Variants in CEP250 observed in about 807,000 individuals in gnomAD.
CEP250 encodes centrosomal protein 250, also known as centrosome-associated protein CEP250.
In CEP250, 242 loss-of-function variants were observed where a neutral mutation model predicts 315.7. That is an observed-to-expected ratio of 0.77 (90% confidence interval 0.69 to 0.85). The LOEUF (loss-of-function observed/expected upper bound fraction) is 0.85. CEP250 is among the 40% of genes least tolerant of loss of function. The pLI is 0.00. For missense variants in CEP250, 2,515 were observed against 2,886.4 expected, an observed-to-expected ratio of 0.87 and a Z score of 2.95; for synonymous variants, 1,088 against 1,175.0, an observed-to-expected ratio of 0.93 and a Z score of 1.51.
rs2062914089 is a variant in CEP250 at position 35,467,464 on chromosome 20, C to T, written c.760C>T (p.Gln254Ter). 6.2e-7 allele frequency: 1 copy of T among 1,614,134 alleles called. No homozygotes were observed. Among genetic ancestry groups the T allele is most frequent in the Non-Finnish European group, 8.5e-7 (1 of 1,180,028 alleles). ...AQLLLLLAKT[Q>*]ELEKEAHERS... ...GCTGCTGCTGCTACTAGCCAAGACCCAGGAGCTGGAGAAGGAAGCCCATGA... is the reference window on the plus strand; with the variant it reads ...GCTGCTGCTGCTACTAGCCAAGACCTAGGAGCTGGAGAAGGAAGCCCATGA... The change falls in exon 9 of 35, where the codon CAG becomes TAG. Residue 254 changes from glutamine (Q) to a stop codon, truncating the protein, a stop_gained. Coordinates refer to ENST00000397527, the MANE Select transcript of CEP250 (RefSeq NM_007186.6). LOFTEE classifies it high-confidence loss of function.
In CEP250 at chr20:35,491,289, C is replaced by T. The variant is rs892813256; in HGVS notation, c.2832C>T (p.Ala944=). 1 of 1,605,114 alleles carries T rather than the reference C, an allele frequency of 6.2e-7. No individual in the cohort carries two copies. Among genetic ancestry groups the T allele is most frequent in the Non-Finnish European group, 8.5e-7 (1 of 1,175,420 alleles). The change falls in exon 22 of 35, where the codon GCC becomes GCT. Residue 944 remains alanine (A), a synonymous_variant. Transcript: ENST00000397527. ...LLQTQKELAD[A]SQQLERLRQD... Reference sequence around the variant, plus strand: ...AGACGCAGAAGGAGCTAGCAGATGCCAGCCAACAACTGGAACGACTGAGGC... The same window carrying T: ...AGACGCAGAAGGAGCTAGCAGATGCTAGCCAACAACTGGAACGACTGAGGC...
chr20:35,502,169 C>G (rs13036974), intron 29 of CEP250, among the ~76,000 whole-genome samples: 68 of 152,224 alleles, frequency 4.5e-4, no homozygotes, highest in Non-Finnish European at 5.0e-4. Context: ...ATTTTTGCCC[C>G]TTGTCCTGAA....
At chr20:35,479,117 G>A (rs2063262767) in intron 17 of CEP250, 114 bp from the exon 18 acceptor site, 2 of 1,002,496 alleles carry the variant, frequency 2.0e-6, no homozygotes, top group Non-Finnish European at 2.9e-6. Context: ...TAAGCAATCC[G>A]GGCTCACAGA....
At position 35,465,793 on chromosome 20, in the gene CEP250, G is replaced by A. The variant is rs2062863880; in HGVS notation, c.294G>A (p.Glu98=). The change falls in exon 6 of 35, where the codon GAG becomes GAA. Residue 98 remains glutamate, a synonymous_variant. Coordinates refer to ENST00000397527, the MANE Select transcript of CEP250 (RefSeq NM_007186.6). The part of the protein sequence containing the change: ...WENVEEPNLD[E]LLVRLEEEQQ... Reference sequence around the variant, plus strand: ...ATGTGGAGGAGCCAAACCTGGATGAGCTGCTGGTCCGATTGGAGGAGGAGC... The same window carrying A: ...ATGTGGAGGAGCCAAACCTGGATGAACTGCTGGTCCGATTGGAGGAGGAGC... 1 of 1,610,152 alleles carries A rather than the reference G, an allele frequency of 6.2e-7. No homozygotes were observed. The highest frequency in any genetic ancestry group is 1.7e-5 in the Admixed American group (1 of 59,358).
In CEP250 at chr20:35,493,585, T is replaced by A. The variant is rs2063757439; in HGVS notation, c.3033+13T>A. 6.6e-7 allele frequency: 1 copy of A among 1,510,850 alleles called. No homozygotes were observed. The highest frequency in any genetic ancestry group is 8.9e-7 in the Non-Finnish European group (1 of 1,129,624). The allele number at this position is 1,510,850 out of a possible 1,614,324, so 93.6% of individuals were successfully genotyped here. A position where few individuals can be genotyped will look rare whatever the true frequency, so the allele number is the denominator to read the frequency against. On this transcript the variant is annotated intron_variant, in intron 23 of 34. Transcript: ENST00000397527. ...CCTGCAGAAGCAGGTCCCCTCCTCCTCCCCACCAAGTCCCATGGTCCTTCC... is the reference window on the plus strand; with the variant it reads ...CCTGCAGAAGCAGGTCCCCTCCTCCACCCCACCAAGTCCCATGGTCCTTCC...
intron 20 of CEP250, among the ~76,000 whole-genome samples, chr20:35,488,388 AAC>A (rs2063580926): frequency 6.6e-6 from 1 of 152,178 alleles, no homozygotes; most frequent in African/African-American, 2.4e-5. Flanking sequence ...ACTGTCCTGT[AAC>A]TGACATTACA....
rs2064358059 is a variant in CEP250, at chr20:35,511,464, C to T, written c.7167C>T (p.His2389=). Reference sequence around the variant, plus strand: ...GCCGTGAGCTAGCAGGCCTGCACCACAGCCTCTCACACTCACTTCTTGCCG... The same window carrying T: ...GCCGTGAGCTAGCAGGCCTGCACCATAGCCTCTCACACTCACTTCTTGCCG... ...QTSRELAGLH[H]SLSHSLLAVA... The change falls in exon 35 of 35, where the codon CAC becomes CAT. Residue 2389 remains histidine (H), a synonymous_variant. Transcript: ENST00000397527. 1.9e-6 allele frequency: 3 copies of T among 1,614,188 alleles called. No homozygotes were observed. The highest frequency in any genetic ancestry group is 2.7e-5 in the African/African-American group (2 of 75,036).
At chr20:35,499,690 A>G (rs1484279064) in intron 27 of CEP250, among the ~76,000 whole-genome samples, 1 of 152,194 alleles carries the variant, frequency 6.6e-6, no homozygotes, top group Non-Finnish European at 1.5e-5. Context: ...GGGGCAATTC[A>G]TCCTGATTTG....
chr20:35,491,191 T>A, intron 21 of CEP250, 21 bp from the exon 22 acceptor site: 1 of 1,609,368 alleles, frequency 6.2e-7, no homozygotes, highest in South Asian at 1.1e-5. Flanking sequence ...CACAAGCTGT[T>A]ACCCCCCTAC....
intron 5 of CEP250, 135 bp downstream of exon 5, chr20:35,463,766 A>C (rs182885877): frequency 1.2e-5 from 7 of 575,676 alleles, no homozygotes; most frequent in Non-Finnish European, 1.9e-5. Context: ...AGCCTCTGAG[A>C]GGTTTATCAC....
chr20:35,502,269 C>CCACT, intron 29 of CEP250, 121 bp from the exon 30 acceptor site: 1 of 834,266 alleles, frequency 1.2e-6, no homozygotes, highest in Non-Finnish European at 1.8e-6. Context: ...TATACCACCA[C>CCACT]TTTTTTTTGC....
At chr20:35,487,194 G>A (rs969788420) in intron 20 of CEP250, among the ~76,000 whole-genome samples, 22 of 152,172 alleles carry the variant, frequency 1.4e-4, no homozygotes, top group African/African-American at 4.3e-4. Flanking sequence ...GAGGCCGCGC[G>A]TGGTGGCTCA....
Position 35,479,391 on chromosome 20 carries a change from G to T in CEP250, c.2255G>T (p.Arg752Leu). The change falls in exon 18 of 35, where the codon CGG becomes CTG. Residue 752 changes from arginine (R) to leucine (L), a missense_variant. Transcript: ENST00000397527. ...CGGCTGCAGGCCGTGGAGCGTGACC[G>T]GCAGGACCTCGCTGAACAACTACAG... The part of the protein sequence containing the change: ...EVRLQAVERD[R>L]QDLAEQLQGL... The T allele has an allele frequency of 1.2e-6, 2 of 1,614,088 alleles. No homozygotes were observed. The highest frequency in any genetic ancestry group is 1.7e-6 in the Non-Finnish European group (2 of 1,179,988).
rs750018459 is a variant in CEP250, at chr20:35,469,960, G to T, written c.922G>T (p.Ala308Ser). The T allele has an allele frequency of 1.9e-6, 3 of 1,613,558 alleles. No individual in the cohort carries two copies. The African/African-American group carries it at 4.0e-5, about 22-fold the overall frequency. ...TGAAGATTATGAAAAGATGATAAAG[G>T]CTCTGAGAGAGACAGTGGAGATCCT... ...QNEDYEKMIKALRETVEILET... is the reference protein window; with the variant it reads ...QNEDYEKMIKSLRETVEILET... The change falls in exon 10 of 35, where the codon GCT becomes TCT. Residue 308 changes from alanine to serine, a missense_variant. Ala to Ser is a moderately conservative substitution (Grantham distance 99). Transcript: ENST00000397527.
rs1293906105 is a variant in CEP250 at position 35,517,980 on chromosome 20, G to T, written c.*6354G>T. On this transcript the variant is annotated 3_prime_UTR_variant, in exon 35 of 35. Coordinates refer to ENST00000397527, the MANE Select transcript of CEP250 (RefSeq NM_007186.6). ...ATCACCTGAGCCCAGGGAGGTCAAG[G>T]TTGCAGTGAACCATGATCATGTCAC... 1 of 150,510 alleles carries T rather than the reference G, an allele frequency of 6.6e-6. No homozygotes were observed. Among genetic ancestry groups the T allele is most frequent in the African/African-American group, 2.5e-5 (1 of 40,794 alleles). 9.3% of individuals were successfully genotyped at this position (150,510 alleles called of 1,614,324 possible). A position where few individuals can be genotyped will look rare whatever the true frequency, so the allele number is the denominator to read the frequency against.
At chr20:35,471,072 G>A (rs2063014333) in intron 10 of CEP250, among the ~76,000 whole-genome samples, 1 of 152,132 alleles carries the variant, frequency 6.6e-6, no homozygotes, top group South Asian at 2.1e-4. Context: ...TCTCATCCAA[G>A]CTGAGATCAA....
chr20:35,513,738 T>TA lies in CEP250; in HGVS notation c.*2113dup, dbSNP rs1250226482. ...ATGAGCCAGGGCCTTAGGCCCCACA[T>TA]ACCTTCTGGGCCTCAGAGAGGTTCC... On this transcript the variant is annotated 3_prime_UTR_variant, in exon 35 of 35. Transcript: ENST00000397527. 6.6e-6 allele frequency: 1 copy of TA among 152,220 alleles called. No individual in the cohort carries two copies. The highest frequency in any genetic ancestry group is 2.4e-5 in the African/African-American group (1 of 41,450). 9.4% of individuals were successfully genotyped at this position (152,220 alleles called of 1,614,324 possible).
chr20:35,475,303 C>T (rs2063138901), intron 14 of CEP250, among the ~76,000 whole-genome samples, 199 bp from the exon 15 acceptor site: 1 of 152,188 alleles, frequency 6.6e-6, no homozygotes, highest in Non-Finnish European at 1.5e-5. Flanking sequence ...CACTTTCTTG[C>T]ATAAAAGGTA....
Position 35,503,864 on chromosome 20 carries a change from A to G in CEP250, c.5495A>G (p.Gln1832Arg). Residue 1832 changes from glutamine to arginine, a missense_variant, in exon 30 of 35, where the codon CAG becomes CGG. Transcript: ENST00000397527. The surrounding 1 kb of genome is among the most constrained non-coding windows in gnomAD (Gnocchi z 4.2). ...LQQEQQQAQG[Q>R]EERVKEKADA... The stretch of plus-strand genomic sequence containing the variant: ...CAAGAACAGCAGCAGGCCCAGGGAC[A>G]GGAGGAGAGGGTGAAGGAAAAGGCA... 6.2e-7 allele frequency: 1 copy of G among 1,613,880 alleles called. No individual in the cohort carries two copies. Among genetic ancestry groups the G allele is most frequent in the Non-Finnish European group, 8.5e-7 (1 of 1,179,884 alleles).
Sources: allele counts gnomAD v4.1 joint callset (sites outside exome capture counted in the v4.1 genomes callset), GRCh38; gene constraint gnomAD v4.1.1; non-coding constraint Gnocchi (gnomAD v3.1); transcripts MANE v1.5; gene names NCBI Gene and HGNC (gene_info 2026-07-23, HGNC 2026-07-21).